Variants in LAMA2 observed in about 807,000 individuals in gnomAD.
LAMA2 encodes the protein laminin subunit alpha 2, also known as laminin subunit alpha-2.
LAMA2 carries 269 observed loss-of-function variants against 364.8 expected under a neutral mutation model. The observed-to-expected ratio is 0.74, with a 90% confidence interval of 0.67 to 0.82. LAMA2 has a LOEUF of 0.82. Among genes scored for constraint, LAMA2 ranks in the 40% least tolerant of loss-of-function variants. LAMA2 has a pLI of 0.00. For missense variants in LAMA2, 3,807 were observed against 3,873.2 expected (o/e 0.98, Z 0.45); for synonymous variants, 1,379 against 1,370.6 (o/e 1.01, Z -0.14).
intron 3 of LAMA2, among the ~76,000 whole-genome samples, chr6:129,094,799 A>G (rs1775070809): frequency 6.6e-6 from 1 of 152,158 alleles, no homozygotes; most frequent in Non-Finnish European, 1.5e-5. Flanking sequence ...TCATTATCTC[A>G]TTATCTCTTC....
At chr6:129,011,436 C>T (rs1784759946) in intron 1 of LAMA2, among the ~76,000 whole-genome samples, 1 of 152,166 alleles carries the variant, frequency 6.6e-6, no homozygotes, top group Non-Finnish European at 1.5e-5. Flanking sequence ...ATTTGGAAGC[C>T]TTGTGCCCAT....
chr6:129,059,670 T>G, intron 2 of LAMA2, 114 bp from the exon 3 acceptor site: 1 of 698,392 alleles, frequency 1.4e-6, no homozygotes, highest in Non-Finnish European at 2.6e-6. Flanking sequence ...ATTTTAATGT[T>G]TGATATTCAC....
chr6:129,300,804 A>T lies in LAMA2; in HGVS notation c.3106A>T (p.Thr1036Ser). The T allele has an allele frequency of 6.2e-7, 1 of 1,612,804 alleles. No individual in the cohort carries two copies. The highest frequency in any genetic ancestry group is 8.5e-7 in the Non-Finnish European group (1 of 1,178,854). The stretch of plus-strand genomic sequence containing the variant: ...TGGGCGATGCATTTGCCCTCCCAAT[A>T]CCATTGGAGAGAAATGTTCTAAATG... ...KTGRCICPPN[T>S]IGEKCSKCAP... The change falls in exon 22 of 65, where the codon ACC becomes TCC. Residue 1036 changes from threonine (T) to serine (S), a missense_variant. Coordinates refer to ENST00000421865, the MANE Select transcript of LAMA2 (RefSeq NM_000426.4).
intron 3 of LAMA2, 48 bp from the exon 4 acceptor site, chr6:129,098,125 G>A: frequency 1.3e-6 from 2 of 1,587,196 alleles, no homozygotes; most frequent in South Asian, 1.1e-5. Context: ...ATAAAATGAT[G>A]AGAATATTTG....
intron 19 of LAMA2, among the ~76,000 whole-genome samples, chr6:129,290,213 C>G (rs938971614): frequency 6.6e-6 from 1 of 151,976 alleles, no homozygotes; most frequent in East Asian, 1.9e-4. Context: ...CTCCTAAAGT[C>G]TAAATAATTT....
At chr6:129,312,750 A>C (rs1234473835) in intron 22 of LAMA2, 111 bp from the exon 23 acceptor site, 2 of 786,426 alleles carry the variant, frequency 2.5e-6, no homozygotes, top group Admixed American at 2.0e-5. Context: ...AGCCTATAAC[A>C]GATACATGAT....
chr6:129,404,018 A>C (rs1286340642), intron 40 of LAMA2, 59 bp downstream of exon 40: 2 of 1,586,240 alleles, frequency 1.3e-6, no homozygotes, highest in Non-Finnish European at 1.7e-6. Context: ...AATTTTTCAA[A>C]TGTAAGTCAG....
chr6:129,080,266 G>A (rs540176780), intron 3 of LAMA2, among the ~76,000 whole-genome samples: 4 of 152,122 alleles, frequency 2.6e-5, no homozygotes, highest in Non-Finnish European at 4.4e-5. Context: ...AGCACAAGAT[G>A]AATCCAGTTC....
intron 1 of LAMA2, among the ~76,000 whole-genome samples, chr6:128,938,774 G>A (rs1779987680): frequency 6.6e-6 from 1 of 152,096 alleles, no homozygotes; most frequent in South Asian, 2.1e-4. Flanking sequence ...ACATTTAAGA[G>A]TGACCAAAAG....
At chr6:129,477,789 T>C (rs1784145680) in intron 53 of LAMA2, among the ~76,000 whole-genome samples, 1 of 152,038 alleles carries the variant, frequency 6.6e-6, no homozygotes, top group Non-Finnish European at 1.5e-5. Context: ...AAAAAAAACA[T>C]TTTTTTATTT....
chr6:129,304,745 A>C (rs2114472593), intron 22 of LAMA2, among the ~76,000 whole-genome samples: 1 of 152,290 alleles, frequency 6.6e-6, no homozygotes, highest in South Asian at 2.1e-4. Flanking sequence ...TTTGGGGATA[A>C]TGTTTAGTTT....
At chr6:129,208,680 G>A (rs9321154) in intron 12 of LAMA2, among the ~76,000 whole-genome samples, 9,810 of 84,512 alleles carry the variant, frequency 0.12, 403 homozygotes, top group African/African-American at 0.27. Context: ...AGAAAGAGAA[G>A]GAAAGAAAGA....
chr6:129,263,186 T>A, intron 15 of LAMA2, among the ~76,000 whole-genome samples: 1 of 152,154 alleles, frequency 6.6e-6, no homozygotes, highest in East Asian at 1.9e-4. Context: ...TTGATGAGCG[T>A]GTATTTTGAG....
At chr6:129,471,471 C>T (rs1391009259) in intron 51 of LAMA2, among the ~76,000 whole-genome samples, 1 of 151,892 alleles carries the variant, frequency 6.6e-6, no homozygotes, top group Non-Finnish European at 1.5e-5. Flanking sequence ...CACCTCCAGT[C>T]ACTGGCTTGC....
intron 5 of LAMA2, among the ~76,000 whole-genome samples, chr6:129,144,879 G>T (rs1158797364): frequency 1.3e-5 from 2 of 151,902 alleles, no homozygotes; most frequent in Admixed American, 6.6e-5. Context: ...GAATTTGTGG[G>T]ATTACAAGAT....
In LAMA2 at chr6:129,495,832, CT is replaced by C. The variant is rs879394607; in HGVS notation, c.8244+3361del. The stretch of plus-strand genomic sequence containing the variant: ...TGGAGATTTTTACTCATTTAAGGTT[CT>C]TTTTTTTTTTTATAACCTTCTGTTC... On this transcript the variant is annotated intron_variant, in intron 58 of 64. Transcript: ENST00000421865. 1.5e-3 allele frequency among the ~76,000 whole-genome samples: 224 copies of C among 144,820 alleles called. 1 individual carries two copies. Among genetic ancestry groups the C allele is most frequent in the Middle Eastern group, 3.7e-3 (1 of 272 alleles).
rs539783557 is a variant in LAMA2, at chr6:129,245,583, A to G, written c.1783-4529A>G. 3.3e-5 allele frequency among the ~76,000 whole-genome samples: 5 copies of G among 152,324 alleles called. No homozygotes were observed. The South Asian group carries it at 1.0e-3, about 32-fold the overall frequency. ...AAAATTACAGTTATTTGCAGTACGT[A>G]TAACTTACCAAGACCACTTATATTT... On this transcript the variant is annotated intron_variant, in intron 12 of 64. Transcript: ENST00000421865.
intron 7 of LAMA2, among the ~76,000 whole-genome samples, chr6:129,152,710 C>T (rs1008388999): frequency 3.9e-5 from 6 of 152,102 alleles, no homozygotes; most frequent in African/African-American, 1.4e-4. Flanking sequence ...AGAGCGCCTC[C>T]CTCCACCCGG....
intron 29 of LAMA2, among the ~76,000 whole-genome samples, chr6:129,341,464 C>T (rs1583534204): frequency 6.6e-6 from 1 of 152,210 alleles, no homozygotes; most frequent in African/African-American, 2.4e-5. Context: ...TTTCTCAACT[C>T]TCAAATGCAA....
Sources: allele counts gnomAD v4.1 joint callset (sites outside exome capture counted in the v4.1 genomes callset), GRCh38; gene constraint gnomAD v4.1.1; transcripts MANE v1.5; gene names NCBI Gene and HGNC (gene_info 2026-07-23, HGNC 2026-07-21).